Variants in KDM2B observed in about 807,000 individuals in gnomAD.
KDM2B encodes the protein lysine demethylase 2B.
In KDM2B, 26 loss-of-function variants were observed where a neutral mutation model predicts 150.0. That is an observed-to-expected ratio of 0.17 (90% CI 0.13 to 0.24). The LOEUF (loss-of-function observed/expected upper bound fraction) is 0.24, where lower values mean the gene tolerates loss of function less well. KDM2B is among the 10% of genes least tolerant of loss of function. The pLI is 1.00. For synonymous variants in KDM2B, 734 were observed against 729.5 expected (o/e 1.01, Z -0.10); for missense variants, 1,265 against 1,816.9 (o/e 0.70, Z 5.52).
chr12:121,467,260 G>A lies in KDM2B; in HGVS notation c.1735-13916C>T. 3.0e-6 allele frequency: 3 copies of A among 984,336 alleles called. No homozygotes were observed. The highest frequency in any genetic ancestry group is 2.4e-6 in the Non-Finnish European group (2 of 830,330). The allele number at this position is 984,336 out of a possible 1,614,324, so 61.0% of individuals were successfully genotyped here. On this transcript the variant is annotated intron_variant, in intron 12 of 22. Coordinates refer to ENST00000377071, the MANE Select transcript of KDM2B (RefSeq NM_032590.5). This position sits in a 1 kb window ranked among gnomAD's most constrained non-coding sequence, Gnocchi z 5.1. Reference sequence around the variant, plus strand: ...CGCGCGCTGACATGGCTGGAGCGGCGCCGCCGCCGCCGCCCGCCCGGAGCA... The same window carrying A: ...CGCGCGCTGACATGGCTGGAGCGGCACCGCCGCCGCCGCCCGCCCGGAGCA...
At position 121,442,544 on chromosome 12, in the gene KDM2B, G is replaced by A. The variant is rs1875315171; in HGVS notation, c.2897C>T (p.Ala966Val). ...HEIQRTENSL[A>V]NENQQPIKSE... is the part of the protein sequence containing the mutation. The stretch of plus-strand genomic sequence containing the variant: ...CTTGATGGGCTGCTGGTTCTCGTTG[G>A]CCAGGCTGTTCTCCGTCCTCTGGAT... Residue 966 changes from alanine to valine, a missense_variant, in exon 19 of 23, where the codon GCC becomes GTC. Transcript: ENST00000377071. This position sits in a 1 kb window ranked among gnomAD's most constrained non-coding sequence, Gnocchi z 7.7. The A allele has an allele frequency of 1.3e-6, 2 of 1,599,888 alleles. No individual in the cohort carries two copies. Among genetic ancestry groups the A allele is most frequent in the Admixed American group, 1.7e-5 (1 of 60,000 alleles).
chr12:121,440,752 A>G (rs1874875608), intron 21 of KDM2B, 64 bp downstream of exon 21: 2 of 1,449,070 alleles, frequency 1.4e-6, no homozygotes, highest in African/African-American at 1.4e-5. Context: ...TGAGGGTAAA[A>G]GCAGATCCAA....
At chr12:121,446,125 G>C (rs1183574748) in intron 13 of KDM2B, among the ~76,000 whole-genome samples, 1 of 152,106 alleles carries the variant, frequency 6.6e-6, no homozygotes, top group Non-Finnish European at 1.5e-5. Context: ...GCCGGGCGCG[G>C]TGGCTCACGC....
chr12:121,444,718 C>A, intron 14 of KDM2B, 182 bp from the exon 15 acceptor site: 1 of 632,232 alleles, frequency 1.6e-6, no homozygotes, highest in Non-Finnish European at 2.9e-6. Flanking sequence ...AGCTGTGGAT[C>A]CAGGCCAGGG....
At chr12:121,437,907 A>G (rs1555287186) in intron 22 of KDM2B, among the ~76,000 whole-genome samples, 1 of 151,858 alleles carries the variant, frequency 6.6e-6, no homozygotes, top group African/African-American at 2.4e-5. Flanking sequence ...TTTTTAAGAA[A>G]ATCTAGAAGA....
intron 6 of KDM2B, among the ~76,000 whole-genome samples, chr12:121,540,731 G>A (rs1324484527): frequency 2.7e-5 from 4 of 148,918 alleles, no homozygotes; most frequent in Admixed American, 2.7e-4. Context: ...CTCCAGCCTG[G>A]GCAGCAGAGC....
At chr12:121,415,589 C>T in the KDM2B span, among the ~76,000 whole-genome samples, 2 of 152,062 alleles carry the variant, frequency 1.3e-5, no homozygotes, top group African/African-American at 2.4e-5. Context: ...GTACTCCAGC[C>T]TGGTTGACAA....
At chr12:121,582,146 TTC>T (rs1328595428), upstream of KDM2B, among the ~76,000 whole-genome samples, 1 of 152,162 alleles carries the variant, frequency 6.6e-6, no homozygotes, top group African/African-American at 2.4e-5. Flanking sequence ...GTTCCTGTCT[TTC>T]TCACAAGAAC....
chr12:121,480,826 C>T (rs1211835558), intron 12 of KDM2B, among the ~76,000 whole-genome samples: 6 of 151,854 alleles, frequency 4.0e-5, no homozygotes, highest in African/African-American at 9.7e-5. Context: ...GCCCCACACC[C>T]GGCCATCGCC....
intron 12 of KDM2B, among the ~76,000 whole-genome samples, chr12:121,463,768 G>A (rs1879440443): frequency 6.6e-6 from 1 of 152,084 alleles, no homozygotes; most frequent in African/African-American, 2.4e-5. Context: ...TTTTGTAGAT[G>A]GGATTTCACC....
chr12:121,550,860 G>GA lies in KDM2B; in HGVS notation c.398-1223dup, dbSNP rs1205927000. Among the ~76,000 whole-genome samples the GA allele has an allele frequency of 6.6e-5, 10 of 152,116 alleles. No individual in the cohort carries two copies. The East Asian group carries it at 1.7e-3, about 26-fold the overall frequency. On this transcript the variant is annotated intron_variant, in intron 4 of 22. Transcript: ENST00000377071. ...TTTTCCATTTTTGTTAACGGAGGGG[G>GA]AAAAATCAAAAGAAGAATACTATTT...
Position 121,580,633 on chromosome 12 carries a change from A to C in KDM2B, c.126+153T>G, listed in dbSNP as rs1891905287. 2.0e-5 allele frequency among the ~76,000 whole-genome samples: 3 copies of C among 152,100 alleles called. No individual in the cohort carries two copies. The South Asian group carries it at 6.2e-4, about 32-fold the overall frequency. On this transcript the variant is annotated intron_variant, in intron 1 of 22. Transcript: ENST00000377071. Reference sequence around the variant, plus strand: ...GGTGCAGATTTGCACGGCTGGCCTCAGCGGGAGGCGCGGAAATGCAAGCCG... The same window carrying C: ...GGTGCAGATTTGCACGGCTGGCCTCCGCGGGAGGCGCGGAAATGCAAGCCG...
chr12:121,539,818 C>T (rs141732000), intron 6 of KDM2B, among the ~76,000 whole-genome samples: 3 of 152,252 alleles, frequency 2.0e-5, no homozygotes, highest in Admixed American at 1.3e-4. Flanking sequence ...CAGCGCACTG[C>T]AACCTCCAAC....
chr12:121,452,645 G>C lies in KDM2B; in HGVS notation c.1959+475C>G, dbSNP rs1350152179. Among the ~76,000 whole-genome samples the C allele has an allele frequency of 6.6e-6, 1 of 152,270 alleles. No homozygotes were observed. Among genetic ancestry groups the C allele is most frequent in the Non-Finnish European group, 1.5e-5 (1 of 68,050 alleles). On this transcript the variant is annotated intron_variant, in intron 13 of 22. Transcript: ENST00000377071. The surrounding 1 kb of genome is among the most constrained non-coding windows in gnomAD (Gnocchi z 4.4). ...TGTCTGGGGACGAGACCAGCGGCGC[G>C]GGGCCACTGCCGGAGCTGAGGCCAG...
chr12:121,502,332 A>G (rs1025615764), intron 11 of KDM2B, among the ~76,000 whole-genome samples: 3 of 152,190 alleles, frequency 2.0e-5, no homozygotes, highest in Admixed American at 6.6e-5. Flanking sequence ...TTGGTCTTCA[A>G]AGAACACCTG....
downstream of KDM2B, among the ~76,000 whole-genome samples, chr12:121,426,629 T>TC (rs1487883604): frequency 6.7e-6 from 1 of 149,530 alleles, no homozygotes; most frequent in Non-Finnish European, 1.5e-5. Context: ...AATTTTTTTT[T>TC]TTTTTTTTTT....
chr12:121,534,348 CAAA>C (rs371399318), intron 7 of KDM2B, 146 bp downstream of exon 7: 1,560 of 480,118 alleles, frequency 3.2e-3, no homozygotes, highest in Middle Eastern at 5.6e-3. Context: ...GACTCCATCT[CAAA>C]AAAAAAAAAA....
At chr12:121,484,854 A>T (rs1263142545) in intron 12 of KDM2B, among the ~76,000 whole-genome samples, 8 of 152,082 alleles carry the variant, frequency 5.3e-5, no homozygotes, top group South Asian at 2.1e-4. Flanking sequence ...ATAAAAATAA[A>T]TAAAGAAGAT....
In KDM2B at chr12:121,534,608, G is replaced by A; in HGVS notation, c.684-18C>T. ...GACAGTACCTGCAACACAGAGGCAG[G>A]GAGACAGAACACAAGTCAAGATCTA... On this transcript the variant is annotated intron_variant, in intron 6 of 22. Transcript: ENST00000377071. 1.3e-6 allele frequency: 2 copies of A among 1,588,970 alleles called. No homozygotes were observed. The highest frequency in any genetic ancestry group is 1.7e-4 in the Middle Eastern group (1 of 6,004).
Sources: gnomAD v4.1 joint callset for allele counts (sites outside exome capture counted in the v4.1 genomes callset) on GRCh38, gnomAD v4.1.1 for gene constraint, Gnocchi (gnomAD v3.1) non-coding constraint, MANE v1.5 for transcripts, NCBI Gene and HGNC (gene_info 2026-07-23, HGNC 2026-07-21) for gene names.